The following TMEM45A variants were observed in gnomAD, a reference collection of about 807,000 sequenced individuals.
TMEM45A encodes DNA polymerase-transactivated protein 4.
Under a neutral mutation model 32.0 loss-of-function variants are expected in TMEM45A, and 25 were observed. That is an observed-to-expected ratio of 0.78 (90% confidence interval 0.57 to 1.09). The LOEUF is 1.09. TMEM45A is among the 50% of genes least tolerant of loss of function. The pLI is 0.00. For missense variants in TMEM45A, 302 were observed against 325.0 expected (o/e 0.93, Z 0.54); for synonymous variants, 122 against 114.8 (o/e 1.06, Z -0.40).
intron 1 of TMEM45A, among the ~76,000 whole-genome samples, chr3:100,505,131 G>A (rs1362189478): frequency 6.6e-6 from 1 of 152,146 alleles, no homozygotes; most frequent in Non-Finnish European, 1.5e-5. Flanking sequence ...TAATGACTGA[G>A]GGGGAAACAC....
rs114194222 is a variant in TMEM45A, at chr3:100,544,209, G to A, written c.-3-11000G>A. Reference sequence around the variant, plus strand: ...GTGGATCCACAGTCTTCAGGAATAAGCCTCTTTTAGGTGCACTGCTCCTAT... The same window carrying A: ...GTGGATCCACAGTCTTCAGGAATAAACCTCTTTTAGGTGCACTGCTCCTAT... On this transcript the variant is annotated intron_variant, in intron 1 of 5. Coordinates refer to ENST00000323523, the MANE Select transcript of TMEM45A (RefSeq NM_018004.3). Among the ~76,000 whole-genome samples, 918 of 152,042 alleles carry A rather than the reference G, an allele frequency of 6.0e-3. 6 individuals carry two copies. Among genetic ancestry groups the A allele is most frequent in the African/African-American group, 0.02 (838 of 41,454 alleles).
chr3:100,557,155 C>T (rs144073668), intron 3 of TMEM45A, among the ~76,000 whole-genome samples, 183 bp downstream of exon 3: 1 of 152,312 alleles, frequency 6.6e-6, no homozygotes, highest in East Asian at 1.9e-4. Flanking sequence ...TGTACTGACT[C>T]ATTTAGTAGA....
chr3:100,499,213 T>A (rs185511434), intron 1 of TMEM45A, among the ~76,000 whole-genome samples: 4 of 152,336 alleles, frequency 2.6e-5, no homozygotes, highest in African/African-American at 9.6e-5. Context: ...CTAATTTCTT[T>A]ATTTTTTTCT....
At chr3:100,551,698 A>T (rs1164381967) in intron 1 of TMEM45A, among the ~76,000 whole-genome samples, 1 of 152,208 alleles carries the variant, frequency 6.6e-6, no homozygotes, top group Non-Finnish European at 1.5e-5. Flanking sequence ...TGCCAGGAGT[A>T]ACTGTATCTG....
chr3:100,521,099 T>A (rs1304128612), intron 1 of TMEM45A, among the ~76,000 whole-genome samples: 1 of 152,168 alleles, frequency 6.6e-6, no homozygotes. Flanking sequence ...CGCGTGAAGC[T>A]CTGTGAAGGC....
chr3:100,527,953 G>A (rs1195178101), intron 1 of TMEM45A, among the ~76,000 whole-genome samples: 1 of 152,160 alleles, frequency 6.6e-6, no homozygotes, highest in Non-Finnish European at 1.5e-5. Context: ...CTGTTGCAGT[G>A]TTCATTACTC....
rs1369804663 is a variant in TMEM45A at position 100,539,466 on chromosome 3, T to TATACGTATAC, written c.-3-15743_-3-15742insATACGTATAC. 6.1e-4 allele frequency among the ~76,000 whole-genome samples: 83 copies of TATACGTATAC among 136,216 alleles called. 3 individuals carry two copies. The highest frequency in any genetic ancestry group is 1.1e-3 in the Non-Finnish European group (67 of 63,028). The allele number at this position is 136,216 out of a possible 152,430, so 89.4% of individuals were successfully genotyped here. On this transcript the variant is annotated intron_variant, in intron 1 of 5. Coordinates refer to ENST00000323523, the MANE Select transcript of TMEM45A (RefSeq NM_018004.3). ...ATGTATATGTATATGTATATGTATA[T>TATACGTATAC]GTATATGTATATGTATATGTATATG...
At chr3:100,545,044 G>C (rs1705957312) in intron 1 of TMEM45A, among the ~76,000 whole-genome samples, 1 of 152,128 alleles carries the variant, frequency 6.6e-6, no homozygotes, top group Non-Finnish European at 1.5e-5. Context: ...GTGTGTATTG[G>C]TTTTTATTAT....
intron 1 of TMEM45A, among the ~76,000 whole-genome samples, chr3:100,508,970 G>T (rs552857816): frequency 1.3e-5 from 2 of 152,112 alleles, no homozygotes; most frequent in Non-Finnish European, 2.9e-5. Flanking sequence ...AGACAAGTGG[G>T]GTTATATTAA....
At chr3:100,519,311 A>G (rs2148945866) in intron 1 of TMEM45A, 1 of 521,622 alleles carries the variant, frequency 1.9e-6, no homozygotes, top group South Asian at 3.0e-5. Flanking sequence ...CAGAGGTAAA[A>G]GTGTGGTAAG....
intron 1 of TMEM45A, among the ~76,000 whole-genome samples, chr3:100,515,739 G>C (rs1269294857): frequency 6.6e-6 from 1 of 151,990 alleles, no homozygotes; most frequent in Non-Finnish European, 1.5e-5. Context: ...AAACAAGCCA[G>C]GCACAGAAAG....
At chr3:100,547,278 C>T (rs7650265) in intron 1 of TMEM45A, among the ~76,000 whole-genome samples, 54,723 of 151,608 alleles carry the variant, frequency 0.36, 10,670 homozygotes, top group Middle Eastern at 0.48. Context: ...TGTGTCATCA[C>T]GCTGGGCTAA....
At chr3:100,547,153 G>T (rs2148972468) in intron 1 of TMEM45A, among the ~76,000 whole-genome samples, 2 of 151,924 alleles carry the variant, frequency 1.3e-5, no homozygotes, top group Admixed American at 1.3e-4. Flanking sequence ...TCAGAGTCTT[G>T]CTCTGTTGCC....
At chr3:100,511,138 C>T (rs1358647387) in intron 1 of TMEM45A, among the ~76,000 whole-genome samples, 2 of 151,830 alleles carry the variant, frequency 1.3e-5, no homozygotes, top group Non-Finnish European at 2.9e-5. Flanking sequence ...CAAAGATACT[C>T]CTCGAGAAGA....
intron 1 of TMEM45A, among the ~76,000 whole-genome samples, chr3:100,543,496 T>A (rs1346538978): frequency 6.6e-6 from 1 of 152,158 alleles, no homozygotes; most frequent in Non-Finnish European, 1.5e-5. Flanking sequence ...TGTTTCCTCA[T>A]GCCCTCACCA....
intron 1 of TMEM45A, among the ~76,000 whole-genome samples, chr3:100,520,086 G>C (rs954606694): frequency 3.9e-5 from 6 of 152,110 alleles, no homozygotes; most frequent in African/African-American, 1.4e-4. Flanking sequence ...AAAAAATCCT[G>C]TATACATGGA....
At chr3:100,514,627 G>A (rs542632872) in intron 1 of TMEM45A, among the ~76,000 whole-genome samples, 159 of 152,156 alleles carry the variant, frequency 1.0e-3, no homozygotes, top group African/African-American at 3.5e-3. Flanking sequence ...TTGACAAGTG[G>A]GATCTAATTA....
At chr3:100,515,153 T>C (rs1708238423) in intron 1 of TMEM45A, among the ~76,000 whole-genome samples, 1 of 151,608 alleles carries the variant, frequency 6.6e-6, no homozygotes, top group Admixed American at 6.6e-5. Context: ...CTATAAATCA[T>C]GCTGCTATAA....
intron 1 of TMEM45A, among the ~76,000 whole-genome samples, chr3:100,504,652 T>G (rs1357493642): frequency 6.6e-6 from 1 of 152,216 alleles, no homozygotes; most frequent in Non-Finnish European, 1.5e-5. Flanking sequence ...ATATCTCCAA[T>G]GCTAATGAAA....
Sources: allele counts gnomAD v4.1 joint callset (sites outside exome capture counted in the v4.1 genomes callset), GRCh38; gene constraint gnomAD v4.1.1; transcripts MANE v1.5; gene names NCBI Gene and HGNC (gene_info 2026-07-23, HGNC 2026-07-21).